The following JPH3 variants were observed in gnomAD, a reference collection of about 807,000 sequenced individuals.
JPH3 encodes the protein junctophilin 3.
A neutral mutation model predicts 59.6 loss-of-function variants in JPH3; 11 were observed. The ratio of observed to expected loss-of-function variants is 0.18; its 90% CI spans 0.12 to 0.31. JPH3 has a LOEUF of 0.31. JPH3 is among the 10% of genes least tolerant of loss of function. The pLI is 1.00. For missense variants in JPH3, 1,202 were observed against 1,105.7 expected, an observed-to-expected ratio of 1.09 and a Z score of -1.24; for synonymous variants, 673 against 483.6, an observed-to-expected ratio of 1.39 and a Z score of -5.14.
At chr16:87,627,824 A>G (rs990446560) in intron 1 of JPH3, among the ~76,000 whole-genome samples, 3 of 152,202 alleles carry the variant, frequency 2.0e-5, no homozygotes, top group Non-Finnish European at 2.9e-5. Flanking sequence ...GAGAGGGGCC[A>G]GTCCTGCCCC....
intron 1 of JPH3, among the ~76,000 whole-genome samples, chr16:87,619,101 A>G (rs537457327): frequency 0.017 from 1,793 of 102,634 alleles, 33 homozygotes; most frequent in African/African-American, 0.049. Context: ...AAAAAAAAAA[A>G]GGGGGGGCAC....
chr16:87,634,485 G>T (rs566605132), intron 1 of JPH3, among the ~76,000 whole-genome samples: 1 of 152,342 alleles, frequency 6.6e-6, no homozygotes, highest in Non-Finnish European at 1.5e-5. Context: ...AGTGGTGCCT[G>T]TTTCTTCCTT....
At chr16:87,646,896 G>T (rs1883760160) in intron 2 of JPH3, among the ~76,000 whole-genome samples, 2 of 152,146 alleles carry the variant, frequency 1.3e-5, no homozygotes, top group African/African-American at 4.8e-5. Context: ...TGTAGGACTG[G>T]GGGGACCTGC....
In JPH3 at chr16:87,604,350, G is replaced by A. The variant is rs773795892; in HGVS notation, c.382+822G>A. On this transcript the variant is annotated intron_variant, in intron 1 of 4. Coordinates refer to ENST00000284262, the MANE Select transcript of JPH3 (RefSeq NM_020655.4). Reference sequence around the variant, plus strand: ...TGCTGTAAGATGGTTTCTGTGCAGGGAACCTTGGCCGGCTCTGCAGCTGCC... The same window carrying A: ...TGCTGTAAGATGGTTTCTGTGCAGGAAACCTTGGCCGGCTCTGCAGCTGCC... 8.3e-6 allele frequency: 12 copies of A among 1,452,262 alleles called. 1 individual carries two copies. The South Asian group carries it at 1.2e-4, about 15-fold the overall frequency. The allele number at this position is 1,452,262 out of a possible 1,614,324, so 90.0% of individuals were successfully genotyped here. A position where few individuals can be genotyped will look rare whatever the true frequency, so the allele number is the denominator to read the frequency against.
intron 1 of JPH3, among the ~76,000 whole-genome samples, chr16:87,620,370 A>C: frequency 2.5e-5 from 3 of 118,442 alleles, no homozygotes; most frequent in South Asian, 3.2e-4. Flanking sequence ...CAGAGCGGGG[A>C]CGGGGGGCAA....
At chr16:87,636,578 T>C (rs2031757128) in intron 1 of JPH3, among the ~76,000 whole-genome samples, 1 of 152,202 alleles carries the variant, frequency 6.6e-6, no homozygotes, top group Admixed American at 6.5e-5. Context: ...TTTGGTGCCC[T>C]CTGCTGTGGG....
At chr16:87,609,501 C>T (rs28402236) in intron 1 of JPH3, among the ~76,000 whole-genome samples, 2,058 of 152,244 alleles carry the variant, frequency 0.014, 50 homozygotes, top group African/African-American at 0.047. Context: ...TGAACTCAGG[C>T]GATCTGCGTG....
chr16:87,627,430 C>T (rs867197708), intron 1 of JPH3, among the ~76,000 whole-genome samples: 2 of 152,208 alleles, frequency 1.3e-5, no homozygotes, highest in African/African-American at 4.8e-5. Flanking sequence ...TGAGACCACC[C>T]ATGGATTTTA....
intron 1 of JPH3, among the ~76,000 whole-genome samples, chr16:87,635,977 A>G (rs1337987555): frequency 1.3e-5 from 2 of 152,184 alleles, no homozygotes; most frequent in African/African-American, 2.4e-5. Flanking sequence ...GGCCAGGGCA[A>G]CTGGAGCAGA....
At chr16:87,668,188 C>G (rs537641092) in intron 2 of JPH3, among the ~76,000 whole-genome samples, 3 of 152,220 alleles carry the variant, frequency 2.0e-5, no homozygotes, top group African/African-American at 7.2e-5. Flanking sequence ...TCCGGGTCCT[C>G]TGGGAAGCTC....
chr16:87,637,906 T>G (rs1215286919), intron 1 of JPH3, among the ~76,000 whole-genome samples: 1 of 151,958 alleles, frequency 6.6e-6, no homozygotes, highest in Non-Finnish European at 1.5e-5. Flanking sequence ...CTGTTTTGTG[T>G]TTTTCTTTAA....
chr16:87,656,282 C>T (rs537251770), intron 2 of JPH3, among the ~76,000 whole-genome samples: 17 of 152,346 alleles, frequency 1.1e-4, no homozygotes, highest in African/African-American at 3.4e-4. Context: ...CTCCAGAAGC[C>T]GCAGGCAGGA....
intron 1 of JPH3, among the ~76,000 whole-genome samples, chr16:87,629,801 G>A (rs1256493193): frequency 6.6e-6 from 1 of 152,140 alleles, no homozygotes; most frequent in Non-Finnish European, 1.5e-5. Flanking sequence ...CATGGAAGGC[G>A]TGGACCCTGA....
chr16:87,677,225 C>CACACACAAA (rs1271128667), intron 2 of JPH3, among the ~76,000 whole-genome samples: 12 of 81,640 alleles, frequency 1.5e-4, no homozygotes, highest in African/African-American at 5.2e-4. Context: ...CACACACACA[C>CACACACAAA]AAAAAAAAAA....
chr16:87,619,800 G>C (rs1396855671), intron 1 of JPH3, among the ~76,000 whole-genome samples: 20 of 152,188 alleles, frequency 1.3e-4, no homozygotes, highest in Admixed American at 1.2e-3. Flanking sequence ...TGGGGGAATA[G>C]GACCCGTCAG....
At chr16:87,693,836 C>G (rs1463953395) in intron 4 of JPH3, 1 of 152,240 alleles carries the variant, frequency 6.6e-6, no homozygotes, top group African/African-American at 2.4e-5. Flanking sequence ...CTGAGGATAG[C>G]GTCTGGATGT....
intron 4 of JPH3, chr16:87,695,788 G>C (rs1198566153): frequency 2.2e-6 from 1 of 456,098 alleles, no homozygotes; most frequent in South Asian, 1.5e-5. Flanking sequence ...CACTGCAGAA[G>C]GGCGCCCCCG....
chr16:87,619,930 C>T (rs904533479), intron 1 of JPH3, among the ~76,000 whole-genome samples: 2 of 152,100 alleles, frequency 1.3e-5, no homozygotes, highest in Non-Finnish European at 2.9e-5. Context: ...TCCCAGACTT[C>T]AGGAGGCGCA....
intron 1 of JPH3, among the ~76,000 whole-genome samples, chr16:87,610,799 G>A (rs1326571019): frequency 1.3e-5 from 2 of 152,154 alleles, no homozygotes; most frequent in African/African-American, 2.4e-5. Context: ...ATAATGGAGC[G>A]ATACCAGCAG....
Sources: gnomAD v4.1 joint callset for allele counts (sites outside exome capture counted in the v4.1 genomes callset) on GRCh38, gnomAD v4.1.1 for gene constraint, MANE v1.5 for transcripts, NCBI Gene and HGNC (gene_info 2026-07-23, HGNC 2026-07-21) for gene names.